BAIAP2: variants seen among roughly 807,000 people sequenced by gnomAD.
BAIAP2 encodes the protein BAR/IMD domain containing adaptor protein 2.
In BAIAP2, 18 loss-of-function variants were observed where a neutral mutation model predicts 63.0. That is an observed-to-expected ratio of 0.29 (90% CI 0.20 to 0.42). The LOEUF is 0.42. Ranked by LOEUF, BAIAP2 falls within the 10% of genes least tolerant of loss-of-function variation. BAIAP2 has a pLI of 1.00. For synonymous variants in BAIAP2, 386 were observed against 307.6 expected, an observed-to-expected ratio of 1.25 and a Z score of -2.67; for missense variants, 610 against 734.3, an observed-to-expected ratio of 0.83 and a Z score of 1.96.
chr17:81,094,023 G>GT (rs1354972227), intron 6 of BAIAP2, among the ~76,000 whole-genome samples: 2 of 151,648 alleles, frequency 1.3e-5, no homozygotes, highest in African/African-American at 4.8e-5. Context: ...AAACAGGAGT[G>GT]TGAGGAGCCA....
intron 1 of BAIAP2, among the ~76,000 whole-genome samples, chr17:81,044,623 G>A (rs1033778705): frequency 3.9e-5 from 6 of 152,232 alleles, no homozygotes; most frequent in African/African-American, 1.4e-4. Flanking sequence ...ACACCCAGCG[G>A]ACCCCACCCG....
At chr17:81,102,044 G>A (rs1218809519) in intron 7 of BAIAP2, among the ~76,000 whole-genome samples, 2 of 152,190 alleles carry the variant, frequency 1.3e-5, no homozygotes, top group Admixed American at 6.5e-5. Flanking sequence ...GCTGCTTGCC[G>A]CAGGTCTCCC....
At chr17:81,078,722 T>C (rs1226214576) in intron 3 of BAIAP2, among the ~76,000 whole-genome samples, 3 of 151,174 alleles carry the variant, frequency 2.0e-5, no homozygotes, top group African/African-American at 7.3e-5. Flanking sequence ...TCATCTCGGG[T>C]GGGAGCTGGG....
At chr17:81,112,338 C>G (rs759944449) in intron 13 of BAIAP2, among the ~76,000 whole-genome samples, 1 of 152,270 alleles carries the variant, frequency 6.6e-6, no homozygotes, top group Non-Finnish European at 1.5e-5. Flanking sequence ...AGCCCCAGCA[C>G]CACTCCACAG....
In BAIAP2 at chr17:81,116,594, G is replaced by A. The variant is rs1420138434; in HGVS notation, c.*755G>A. The A allele has an allele frequency of 8.5e-6, 4 of 470,590 alleles. No homozygotes were observed. In the East Asian group the frequency reaches 1.4e-4, roughly 17 times the overall value. The allele number at this position is 470,590 out of a possible 1,614,324, so 29.2% of individuals were successfully genotyped here. ...ACCAGCAGAGTGCCCGCTGGCAGGT[G>A]GGGGCTTCCCCGCTTCCGGGGTCTG... On this transcript the variant is annotated 3_prime_UTR_variant, in exon 14 of 14. Coordinates refer to ENST00000428708, the MANE Select transcript of BAIAP2 (RefSeq NM_001144888.2).
chr17:81,090,447 G>A (rs1402140135), intron 6 of BAIAP2, among the ~76,000 whole-genome samples: 1 of 152,200 alleles, frequency 6.6e-6, no homozygotes, highest in Non-Finnish European at 1.5e-5. Flanking sequence ...TTATTTTTGT[G>A]GTTTTTCCCA....
At chr17:81,113,249 G>A (rs571420149) in intron 13 of BAIAP2, among the ~76,000 whole-genome samples, 10 of 152,292 alleles carry the variant, frequency 6.6e-5, no homozygotes, top group East Asian at 3.9e-4. Flanking sequence ...TCTTGGACAC[G>A]TCTGGTGACT....
rs892070494 is a variant in BAIAP2, at chr17:81,090,192, C to T, written c.489+3612C>T. Among the ~76,000 whole-genome samples, 7 of 152,316 alleles carry T rather than the reference C, an allele frequency of 4.6e-5. No individual in the cohort carries two copies. The East Asian group carries it at 1.4e-3, about 29-fold the overall frequency. Reference sequence around the variant, plus strand: ...GCTCTGTCCCTTATGGGTCATGTGGCCGCAGCAAGCCCCAGAGCTTCTCTG... The same window carrying T: ...GCTCTGTCCCTTATGGGTCATGTGGTCGCAGCAAGCCCCAGAGCTTCTCTG... On this transcript the variant is annotated intron_variant, in intron 6 of 13. Coordinates refer to ENST00000428708, the MANE Select transcript of BAIAP2 (RefSeq NM_001144888.2).
In BAIAP2 at chr17:81,103,331, C is replaced by G. The variant is rs542743924; in HGVS notation, c.643-171C>G. On this transcript the variant is annotated intron_variant, in intron 7 of 13. Transcript: ENST00000428708. ...CCCGGCCCTTTACCGGCAGCCGCTT[C>G]TGTGGGTTGGGGTCAGAGGCTCACG... is the stretch of plus-strand genomic sequence containing the variant. Among the ~76,000 whole-genome samples, 276 of 152,350 alleles carry G rather than the reference C, an allele frequency of 1.8e-3. 1 individual carries two copies. Among genetic ancestry groups the G allele is most frequent in the Non-Finnish European group, 2.6e-3 (177 of 68,016 alleles).
chr17:81,109,795 A>G, intron 13 of BAIAP2: 1 of 985,060 alleles, frequency 1.0e-6, no homozygotes, highest in Non-Finnish European at 1.2e-6. Context: ...CATTCCAAAG[A>G]CCTCCAGAGA....
At position 81,073,112 on chromosome 17, in the gene BAIAP2, C is replaced by T. The variant is rs181250036; in HGVS notation, c.218-11720C>T. Reference sequence around the variant, plus strand: ...GGTGGCCCCAGTGGGTTGAAGCTCTCTTCGTAGGTGGCGTGGGGCCTTCTG... The same window carrying T: ...GGTGGCCCCAGTGGGTTGAAGCTCTTTTCGTAGGTGGCGTGGGGCCTTCTG... On this transcript the variant is annotated intron_variant, in intron 3 of 13. Coordinates refer to ENST00000428708, the MANE Select transcript of BAIAP2 (RefSeq NM_001144888.2). Among the ~76,000 whole-genome samples, 194 of 152,206 alleles carry T rather than the reference C, an allele frequency of 1.3e-3. 3 individuals carry two copies. Among genetic ancestry groups the T allele is most frequent in the African/African-American group, 4.5e-3 (186 of 41,554 alleles).
Position 81,084,809 on chromosome 17 carries a change from CCTT to C in BAIAP2, c.218-20_218-18del. Reference sequence around the variant, plus strand: ...TGCGAGCACCTGACTCCCTCCCCTTCCTTCTGCTGTTCTGCTTCCCAGGAGACG... The same window carrying C: ...TGCGAGCACCTGACTCCCTCCCCTTCCTGCTGTTCTGCTTCCCAGGAGACG... On this transcript the variant is annotated intron_variant, in intron 3 of 13. Transcript: ENST00000428708. The C allele has an allele frequency of 6.2e-7, 1 of 1,612,462 alleles. No homozygotes were observed. Among genetic ancestry groups the C allele is most frequent in the Non-Finnish European group, 8.5e-7 (1 of 1,179,476 alleles).
chr17:81,099,303 G>A (rs1409655471), intron 6 of BAIAP2, among the ~76,000 whole-genome samples: 2 of 152,158 alleles, frequency 1.3e-5, no homozygotes, highest in South Asian at 2.1e-4. Flanking sequence ...CCCGCTCCCC[G>A]TCATTCAGAG....
intron 1 of BAIAP2, among the ~76,000 whole-genome samples, chr17:81,040,603 A>G (rs2143501388): frequency 6.6e-6 from 1 of 152,360 alleles, no homozygotes; most frequent in South Asian, 2.1e-4. Context: ...GCCCATCGGT[A>G]TTTGGGAATG....
chr17:81,085,463 C>T, intron 4 of BAIAP2, 191 bp from the exon 5 acceptor site: 1 of 698,722 alleles, frequency 1.4e-6, no homozygotes, highest in South Asian at 1.5e-5. Context: ...TCCTGTTCAG[C>T]ACTCGCTCCT....
chr17:81,058,920 C>CT (rs967391939), intron 3 of BAIAP2, among the ~76,000 whole-genome samples: 9 of 152,180 alleles, frequency 5.9e-5, no homozygotes, highest in Non-Finnish European at 8.8e-5. Flanking sequence ...AGGCGGTGGG[C>CT]TGGGGGGTCG....
At chr17:81,084,257 C>T (rs2055166222) in intron 3 of BAIAP2, among the ~76,000 whole-genome samples, 1 of 152,126 alleles carries the variant, frequency 6.6e-6, no homozygotes, top group Non-Finnish European at 1.5e-5. Flanking sequence ...CCTCAGACCA[C>T]CGCGCTCCTC....
Position 81,057,114 on chromosome 17 carries a change from G to A in BAIAP2, c.131-767G>A, listed in dbSNP as rs1207080845. 2.0e-5 allele frequency among the ~76,000 whole-genome samples: 3 copies of A among 152,218 alleles called. No individual in the cohort carries two copies. The South Asian group carries it at 6.2e-4, about 31-fold the overall frequency. ...TTCTGTAGAAAACGGATTAGAAATTGTAATTACACTGCTCTCCGGGGCCCT... is the reference window on the plus strand; with the variant it reads ...TTCTGTAGAAAACGGATTAGAAATTATAATTACACTGCTCTCCGGGGCCCT... On this transcript the variant is annotated intron_variant, in intron 2 of 13. Coordinates refer to ENST00000428708, the MANE Select transcript of BAIAP2 (RefSeq NM_001144888.2).
intron 3 of BAIAP2, among the ~76,000 whole-genome samples, chr17:81,075,932 G>A (rs2053590168): frequency 7.2e-6 from 1 of 139,464 alleles, no homozygotes; most frequent in South Asian, 2.3e-4. Context: ...TGGGTCTGCT[G>A]GGAATTTTTT....
Sources: allele counts gnomAD v4.1 joint callset (sites outside exome capture counted in the v4.1 genomes callset), GRCh38; gene constraint gnomAD v4.1.1; transcripts MANE v1.5; gene names NCBI Gene and HGNC (gene_info 2026-07-23, HGNC 2026-07-21).